The following SFI1 variants were observed in gnomAD, a reference collection of about 807,000 sequenced individuals.
SFI1 encodes the protein protein SFI1 homolog.
A neutral mutation model predicts 207.5 loss-of-function variants in SFI1; 195 were observed. The ratio of observed to expected loss-of-function variants is 0.94; its 90% CI spans 0.84 to 1.06. SFI1 has a LOEUF of 1.06. Ranked by LOEUF, SFI1 falls within the 50% of genes least tolerant of loss-of-function variation. The probability of loss-of-function intolerance (pLI) is 0.00; values close to 1 mark genes in which losing one functional copy is unlikely to be tolerated. For missense variants in SFI1, 1,634 were observed against 1,588.0 expected, an observed-to-expected ratio of 1.03 and a Z score of -0.49; for synonymous variants, 630 against 598.9, an observed-to-expected ratio of 1.05 and a Z score of -0.76.
chr22:31,587,320 T>G (rs200612000), intron 14 of SFI1: 6 of 135,054 alleles, frequency 4.4e-5, no homozygotes, highest in Non-Finnish European at 8.3e-5. Context: ...GTTTTGTTTT[T>G]GAGACAGGTT....
intron 4 of SFI1, among the ~76,000 whole-genome samples, chr22:31,544,297 C>T (rs2059880967): frequency 6.6e-6 from 1 of 152,072 alleles, no homozygotes. Context: ...TATGACTCCC[C>T]TCTTCAGATT....
chr22:31,557,204 G>T (rs1338127858), intron 7 of SFI1, 145 bp downstream of exon 7: 1 of 577,938 alleles, frequency 1.7e-6, no homozygotes, highest in Non-Finnish European at 3.0e-6. Context: ...TTCGAGATAG[G>T]GTCTTACTCT....
At chr22:31,593,061 G>A (rs1264070360) in intron 15 of SFI1, among the ~76,000 whole-genome samples, 11 of 140,176 alleles carry the variant, frequency 7.8e-5, no homozygotes, top group African/African-American at 2.8e-4. Flanking sequence ...CTCCCGGACG[G>A]CACGGCTGGC....
intron 23 of SFI1, 75 bp from the exon 24 acceptor site, chr22:31,611,691 G>C: frequency 1.5e-5 from 22 of 1,430,926 alleles, no homozygotes; most frequent in Non-Finnish European, 1.9e-5. Context: ...GCAGAGGCTG[G>C]GTTAGATCAG....
intron 19 of SFI1, chr22:31,604,640 T>C: frequency 1.7e-6 from 1 of 586,648 alleles, no homozygotes. Context: ...AAGCAGCTCC[T>C]TTCCCTGGAG....
At chr22:31,501,011 C>T (rs946886928) in intron 1 of SFI1, among the ~76,000 whole-genome samples, 1 of 151,130 alleles carries the variant, frequency 6.6e-6, no homozygotes, top group African/African-American at 2.4e-5. Context: ...ATTGGCCAGG[C>T]TGGTCTCGAA....
rs769869601 is a variant in SFI1 at position 31,613,171 on chromosome 22, G to A, written c.2520G>A (p.Ala840=). Residue 840 remains alanine, a synonymous_variant, in exon 25 of 33, where the codon GCG becomes GCA. Coordinates refer to ENST00000400288, the MANE Select transcript of SFI1 (RefSeq NM_001007467.3). ...CAGCCAGGAGGCAGGAGCAGCGGGC[G>A]ACAGTGCGGGCCCTGTGGTTCTGGG... is the stretch of plus-strand genomic sequence containing the variant. ...QLAARRQEQR[A]TVRALWFWAF... is the part of the protein sequence containing the mutation. 26 of 1,613,776 alleles carry A rather than the reference G, an allele frequency of 1.6e-5. No homozygotes were observed. The East Asian group carries it at 2.5e-4, about 15-fold the overall frequency.
At chr22:31,498,273 CGA>C (rs1355138455) in intron 1 of SFI1, among the ~76,000 whole-genome samples, 1 of 122,008 alleles carries the variant, frequency 8.2e-6, no homozygotes, top group Admixed American at 7.8e-5. Flanking sequence ...CCAGCCTGGG[CGA>C]CAGAGTGATG....
chr22:31,604,792 G>C (rs2068689576), intron 19 of SFI1, 77 bp from the exon 20 acceptor site: 11 of 1,339,782 alleles, frequency 8.2e-6, no homozygotes, highest in African/African-American at 7.3e-5. Flanking sequence ...CCTTGTGGTA[G>C]ATGCACCTCT....
chr22:31,542,525 G>A (rs1004661377), intron 4 of SFI1, among the ~76,000 whole-genome samples: 2 of 152,044 alleles, frequency 1.3e-5, no homozygotes, highest in African/African-American at 4.8e-5. Flanking sequence ...CTACATGGGA[G>A]GCTTAGGAAG....
chr22:31,598,910 C>T (rs1466123386), intron 15 of SFI1, among the ~76,000 whole-genome samples: 1 of 148,720 alleles, frequency 6.7e-6, no homozygotes, highest in Non-Finnish European at 1.5e-5. Context: ...TCTCCTGCCT[C>T]AGCCTCCTGA....
chr22:31,565,851 T>C (rs781601991), intron 8 of SFI1, among the ~76,000 whole-genome samples: 2 of 152,166 alleles, frequency 1.3e-5, no homozygotes, highest in Non-Finnish European at 2.9e-5. Context: ...TTTTTTAAAA[T>C]AGAGACAGGG....
chr22:31,573,526 C>A (rs1377570354), intron 9 of SFI1, among the ~76,000 whole-genome samples: 1 of 151,444 alleles, frequency 6.6e-6, no homozygotes, highest in African/African-American at 2.4e-5. Context: ...CAACCTCCGT[C>A]TCCTGGGTTC....
chr22:31,614,741 T>C, intron 27 of SFI1, 48 bp from the exon 28 acceptor site: 1 of 1,600,076 alleles, frequency 6.2e-7, no homozygotes, highest in East Asian at 2.2e-5. Flanking sequence ...CAGACCCCCC[T>C]GCAGCCCCTG....
intron 11 of SFI1, among the ~76,000 whole-genome samples, chr22:31,578,692 C>CA (rs1322620256): frequency 6.6e-6 from 1 of 152,140 alleles, no homozygotes; most frequent in Non-Finnish European, 1.5e-5. Flanking sequence ...TAGTCCTGAG[C>CA]TTTTTTTACA....
At chr22:31,592,774 A>G (rs1375077663) in intron 15 of SFI1, among the ~76,000 whole-genome samples, 6 of 82,292 alleles carry the variant, frequency 7.3e-5, no homozygotes, top group Non-Finnish European at 9.3e-5. Flanking sequence ...GGCGCCCCTC[A>G]CCTCCCAGAC....
intron 13 of SFI1, among the ~76,000 whole-genome samples, chr22:31,584,483 C>A (rs1406477309): frequency 6.6e-6 from 1 of 152,184 alleles, no homozygotes; most frequent in African/African-American, 2.4e-5. Flanking sequence ...TAAGATCTTA[C>A]TCCTCAGAAG....
At chr22:31,509,856 A>G (rs1234636662) in intron 2 of SFI1, among the ~76,000 whole-genome samples, 1 of 152,076 alleles carries the variant, frequency 6.6e-6, no homozygotes, top group Non-Finnish European at 1.5e-5. Context: ...ACTGGTCTCA[A>G]TGAATTTGGA....
chr22:31,616,717 T>A lies in SFI1; in HGVS notation c.3301-28T>A. 2.0e-6 allele frequency: 3 copies of A among 1,512,712 alleles called. No individual in the cohort carries two copies. The South Asian group carries it at 4.0e-5, about 20-fold the overall frequency. The allele number at this position is 1,512,712 out of a possible 1,614,324, so 93.7% of individuals were successfully genotyped here. On this transcript the variant is annotated intron_variant, in intron 29 of 32. Transcript: ENST00000400288. ...CCTGGCTTCCTCCTAGCTTCCTTGC[T>A]CAGCATCTACCCTTCTTTCCTTTGC...
Sources: gnomAD v4.1 joint callset for allele counts (sites outside exome capture counted in the v4.1 genomes callset) on GRCh38, gnomAD v4.1.1 for gene constraint, MANE v1.5 for transcripts, NCBI Gene and HGNC (gene_info 2026-07-23, HGNC 2026-07-21) for gene names.